Variants in CHDH observed in about 807,000 individuals in gnomAD.
The protein encoded by CHDH is choline dehydrogenase, mitochondrial.
A neutral mutation model predicts 56.9 loss-of-function variants in CHDH; 43 were observed. The observed-to-expected ratio is 0.76, with a 90% confidence interval of 0.59 to 0.97. The LOEUF is 0.97. Among genes scored for constraint, CHDH ranks in the 50% least tolerant of loss-of-function variants. CHDH has a pLI of 0.00. For missense variants in CHDH, 816 were observed against 821.1 expected (o/e 0.99, Z 0.08); for synonymous variants, 364 against 348.5 (o/e 1.04, Z -0.50).
intron 2 of CHDH, among the ~76,000 whole-genome samples, chr3:53,825,756 C>A (rs913398687): frequency 6.6e-6 from 1 of 151,914 alleles, no homozygotes; most frequent in African/African-American, 2.4e-5. Context: ...AGGATTAGTA[C>A]AAAGAAAAAC....
chr3:53,842,261 T>C (rs1460222477), intron 1 of CHDH, among the ~76,000 whole-genome samples: 1 of 152,230 alleles, frequency 6.6e-6, no homozygotes, highest in Non-Finnish European at 1.5e-5. Flanking sequence ...TGTTTCTTCC[T>C]CCATAAAGTG....
intron 5 of CHDH, 89 bp downstream of exon 5, chr3:53,821,558 C>T (rs2095626503): frequency 2.5e-6 from 3 of 1,192,786 alleles, no homozygotes; most frequent in Admixed American, 3.7e-5. Context: ...ACTGCCACCA[C>T]CTCCCCACTT....
In CHDH at chr3:53,823,568, G is replaced by A. The variant is rs1187359192; in HGVS notation, c.441C>T (p.Tyr147=). The change falls in exon 3 of 9, where the codon TAC becomes TAT. Residue 147 remains tyrosine, a synonymous_variant. Transcript: ENST00000315251. The part of the protein sequence containing the change: ...MVYVRGHAED[Y]ERWQRQGARG... ...GGGCGCCCTGGCGCTGCCAGCGCTC[G>A]TAGTCCTCGGCGTGCCCACGGACGT... 5.2e-6 allele frequency: 8 copies of A among 1,543,066 alleles called. No homozygotes were observed. Among genetic ancestry groups the A allele is most frequent in the Non-Finnish European group, 5.2e-6 (6 of 1,146,270 alleles).
intron 2 of CHDH, among the ~76,000 whole-genome samples, chr3:53,832,033 G>C (rs1407781827): frequency 6.6e-6 from 1 of 152,100 alleles, no homozygotes; most frequent in Non-Finnish European, 1.5e-5. Context: ...TTGCTGGTAG[G>C]AATGTAAAAT....
At chr3:53,829,017 T>C (rs899110689) in intron 2 of CHDH, among the ~76,000 whole-genome samples, 1 of 152,158 alleles carries the variant, frequency 6.6e-6, no homozygotes, top group Non-Finnish European at 1.5e-5. Context: ...AGTAGGTGAA[T>C]GGATAAATAA....
rs1276087915 is a variant in CHDH, at chr3:53,823,694, C to A, written c.315G>T (p.Trp105Cys). The A allele has an allele frequency of 5.8e-6, 9 of 1,549,508 alleles. No individual in the cohort carries two copies. Among genetic ancestry groups the A allele is most frequent in the Non-Finnish European group, 7.8e-6 (9 of 1,147,540 alleles). ...VANLCDDRYNWCYHTEVQRGL... is the reference protein window; with the variant it reads ...VANLCDDRYNCCYHTEVQRGL... ...CCCGCTGCACCTCTGTGTGGTAGCA[C>A]CAGTTGTACCTGTCGTCGCACAGGT... Residue 105 changes from tryptophan (W) to cysteine (C), a missense_variant, in exon 3 of 9, where the codon TGG becomes TGT. Coordinates refer to ENST00000315251, the MANE Select transcript of CHDH (RefSeq NM_018397.5).
At chr3:53,834,270 A>G (rs942276848) in intron 2 of CHDH, among the ~76,000 whole-genome samples, 9 of 152,112 alleles carry the variant, frequency 5.9e-5, no homozygotes, top group African/African-American at 2.2e-4. Context: ...AACATGGTGA[A>G]CCCTGTCTCT....
chr3:53,824,660 A>C (rs1300310852), intron 2 of CHDH, among the ~76,000 whole-genome samples: 1 of 152,218 alleles, frequency 6.6e-6, no homozygotes, highest in Admixed American at 6.5e-5. Flanking sequence ...AGCAGGTTCA[A>C]GATCAGAGCT....
chr3:53,842,381 G>A (rs1698700200), intron 1 of CHDH, among the ~76,000 whole-genome samples: 1 of 152,098 alleles, frequency 6.6e-6, no homozygotes, highest in African/African-American at 2.4e-5. Flanking sequence ...CCAACATACG[G>A]CCCAACGTAG....
chr3:53,831,760 G>A (rs62250935), intron 2 of CHDH, among the ~76,000 whole-genome samples: 3,873 of 152,036 alleles, frequency 0.025, 85 homozygotes, highest in Non-Finnish European at 0.04. Context: ...AAACACAAAT[G>A]GCCAATAAAC....
At position 53,815,350 on chromosome 3, in the gene CHDH, G is replaced by A. The variant is rs2106951573; in HGVS notation, c.*2427C>T. On this transcript the variant is annotated 3_prime_UTR_variant, in exon 9 of 9. Transcript: ENST00000315251. Reference sequence around the variant, plus strand: ...GGGTACCCTCTGTGCACCCCACTTTGTAGCAAGTGCCTTTCTCCCCCATGC... The same window carrying A: ...GGGTACCCTCTGTGCACCCCACTTTATAGCAAGTGCCTTTCTCCCCCATGC... 1 of 152,356 alleles carries A rather than the reference G, an allele frequency of 6.6e-6. No individual in the cohort carries two copies. The highest frequency in any genetic ancestry group is 2.1e-4 in the South Asian group (1 of 4,828). 9.4% of individuals were successfully genotyped at this position (152,356 alleles called of 1,614,324 possible). A position where few individuals can be genotyped will look rare whatever the true frequency, so the allele number is the denominator to read the frequency against.
rs1007967791 is a variant in CHDH, at chr3:53,812,802, T to A, written c.*4975A>T. 2.6e-5 allele frequency: 4 copies of A among 152,380 alleles called. No homozygotes were observed. The highest frequency in any genetic ancestry group is 2.1e-4 in the South Asian group (1 of 4,824). 9.4% of individuals were successfully genotyped at this position (152,380 alleles called of 1,614,324 possible). On this transcript the variant is annotated 3_prime_UTR_variant, in exon 9 of 9. Coordinates refer to ENST00000315251, the MANE Select transcript of CHDH (RefSeq NM_018397.5). ...GGGTGCTGGGGACAGAGGAGCAACGTGGTGATCTATAGGATTGGAGTGTCG... is the reference window on the plus strand; with the variant it reads ...GGGTGCTGGGGACAGAGGAGCAACGAGGTGATCTATAGGATTGGAGTGTCG...
intron 1 of CHDH, among the ~76,000 whole-genome samples, chr3:53,842,925 C>A (rs1360939574): frequency 6.6e-6 from 1 of 152,214 alleles, no homozygotes; most frequent in Non-Finnish European, 1.5e-5. Context: ...TGGGAGACAG[C>A]CAGTATGTGC....
At position 53,814,841 on chromosome 3, in the gene CHDH, G is replaced by A. The variant is rs2095613042; in HGVS notation, c.*2936C>T. On this transcript the variant is annotated 3_prime_UTR_variant, in exon 9 of 9. Coordinates refer to ENST00000315251, the MANE Select transcript of CHDH (RefSeq NM_018397.5). ...TGCCCAGCTAATTTTTGTATTTTTAGTAGAGACGGGGTTTCACCATGTTGG... is the reference window on the plus strand; with the variant it reads ...TGCCCAGCTAATTTTTGTATTTTTAATAGAGACGGGGTTTCACCATGTTGG... 1 of 152,020 alleles carries A rather than the reference G, an allele frequency of 6.6e-6. No individual in the cohort carries two copies. The highest frequency in any genetic ancestry group is 1.9e-4 in the East Asian group (1 of 5,172). 9.4% of individuals were successfully genotyped at this position (152,020 alleles called of 1,614,324 possible). A position where few individuals can be genotyped will look rare whatever the true frequency, so the allele number is the denominator to read the frequency against.
chr3:53,830,173 T>C (rs188527120), intron 2 of CHDH, among the ~76,000 whole-genome samples: 61 of 151,462 alleles, frequency 4.0e-4, no homozygotes, highest in African/African-American at 1.3e-3. Context: ...TTCGATGCAA[T>C]GCCAATCCCA....
chr3:53,818,077 A>G lies in CHDH; in HGVS notation c.1485T>C (p.Asp495=). 1 of 1,614,198 alleles carries G rather than the reference A, an allele frequency of 6.2e-7. No individual in the cohort carries two copies. Among genetic ancestry groups the G allele is most frequent in the South Asian group, 1.1e-5 (1 of 91,086 alleles). The change falls in exon 9 of 9, where the codon GAT becomes GAC. Residue 495 remains aspartate, a synonymous_variant. Transcript: ENST00000315251. The part of the protein sequence containing the change: ...ELQPGSHIQS[D]KEIDAFVRAK... ...CCCGCACAAAGGCATCTATCTCTTT[A>G]TCTGACTGAATGTGGCTTCCTGGCT...
chr3:53,845,216 A>G (rs960799134), intron 1 of CHDH, among the ~76,000 whole-genome samples: 1 of 151,958 alleles, frequency 6.6e-6, no homozygotes, highest in South Asian at 2.1e-4. Flanking sequence ...GCTACCTGCA[A>G]CTCCACACGT....
chr3:53,820,028 T>C (rs544340204), intron 6 of CHDH, among the ~76,000 whole-genome samples: 1 of 152,322 alleles, frequency 6.6e-6, no homozygotes, highest in African/African-American at 2.4e-5. Context: ...ATGGGTAGGA[T>C]TTTAAACTAC....
chr3:53,823,693 A>T lies in CHDH; in HGVS notation c.316T>A (p.Cys106Ser), dbSNP rs1213006134. ...CCCCGCTGCACCTCTGTGTGGTAGC[A>T]CCAGTTGTACCTGTCGTCGCACAGG... ...ANLCDDRYNW[C>S]YHTEVQRGLD... Residue 106 changes from cysteine to serine, a missense_variant, in exon 3 of 9, where the codon TGC (cysteine) becomes AGC (serine). Transcript: ENST00000315251. The T allele has an allele frequency of 6.5e-7, 1 of 1,549,094 alleles. No individual in the cohort carries two copies. The highest frequency in any genetic ancestry group is 8.7e-7 in the Non-Finnish European group (1 of 1,147,458).
Sources: gnomAD v4.1 joint callset for allele counts (sites outside exome capture counted in the v4.1 genomes callset) on GRCh38, gnomAD v4.1.1 for gene constraint, MANE v1.5 for transcripts, NCBI Gene and HGNC (gene_info 2026-07-23, HGNC 2026-07-21) for gene names.